STAT6: variants seen among roughly 807,000 people sequenced by gnomAD.
STAT6 encodes STAT, interleukin4-induced.
Under a neutral mutation model 106.3 loss-of-function variants are expected in STAT6, and 45 were observed. The ratio of observed to expected loss-of-function variants is 0.42; its 90% CI spans 0.33 to 0.54. STAT6 has a LOEUF of 0.54. Ranked by LOEUF, STAT6 falls within the 20% of genes least tolerant of loss-of-function variation. The pLI, the probability that STAT6 is intolerant of heterozygous loss-of-function variation, is 0.06. For synonymous variants in STAT6, 413 were observed against 413.6 expected (o/e 1.00, Z 0.02); for missense variants, 797 against 1,062.2 (o/e 0.75, Z 3.47).
chr12:57,098,159 T>C (rs1253102474), intron 19 of STAT6, among the ~76,000 whole-genome samples: 1 of 152,230 alleles, frequency 6.6e-6, no homozygotes, highest in Admixed American at 6.5e-5. Flanking sequence ...TACACAGCTT[T>C]TGCTATGAGC....
Position 57,099,297 on chromosome 12 carries a change from TG to T in STAT6, c.1887del (p.Tyr629Ter). ...AGAGCTGCCAGTTCCAGCTCACGCT[TG>T]TAGTGGCTCCGGAAAGCCTCATCCT... ...KPKDEAFRSH[Y>X]KPEQMGKDGR... On this transcript the variant is annotated frameshift_variant, in exon 16 of 22. Coordinates refer to ENST00000300134, the MANE Select transcript of STAT6 (RefSeq NM_003153.5). LOFTEE classifies it high-confidence loss of function. The surrounding 1 kb of genome is among the most constrained non-coding windows in gnomAD (Gnocchi z 4.7). 6.2e-7 allele frequency: 1 copy of T among 1,614,072 alleles called. No homozygotes were observed. The highest frequency in any genetic ancestry group is 8.5e-7 in the Non-Finnish European group (1 of 1,180,000).
rs2034207250 is a variant in STAT6, at chr12:57,105,425, C to T, written c.812+43G>A. On this transcript the variant is annotated intron_variant, in intron 8 of 21. Coordinates refer to ENST00000300134, the MANE Select transcript of STAT6 (RefSeq NM_003153.5). ...CAGCTCTAGCCCCCTTCTTTTCTTCCCGAGGTCTGTTCTAGGCCAGACTGG... is the reference window on the plus strand; with the variant it reads ...CAGCTCTAGCCCCCTTCTTTTCTTCTCGAGGTCTGTTCTAGGCCAGACTGG... The T allele has an allele frequency of 3.1e-6, 5 of 1,610,056 alleles. No homozygotes were observed. The South Asian group carries it at 5.5e-5, about 18-fold the overall frequency.
Position 57,099,892 on chromosome 12 carries a change from C to T in STAT6, c.1619G>A (p.Gly540Asp). The change falls in exon 15 of 22, where the codon GGC becomes GAC. Residue 540 changes from glycine (G) to aspartate (D), a missense_variant. Around this residue, in one of 4 missense-constraint regions of STAT6, gnomAD observed 222 missense variants for 354.6 expected, o/e 0.63. Coordinates refer to ENST00000300134, the MANE Select transcript of STAT6 (RefSeq NM_003153.5). The surrounding 1 kb of genome is among the most constrained non-coding windows in gnomAD (Gnocchi z 4.7). ...RSYWSDRLII[G>D]FISKQYVTSL... ...AGTAACGTACTGTTTGCTGATGAAG[C>T]CAATGATCAGCCTGGCCGGGATGAA... is the stretch of plus-strand genomic sequence containing the variant. 1 of 1,614,212 alleles carries T rather than the reference C, an allele frequency of 6.2e-7. No homozygotes were observed. Among genetic ancestry groups the T allele is most frequent in the East Asian group, 2.2e-5 (1 of 44,884 alleles).
In STAT6 at chr12:57,096,769, G is replaced by C; in HGVS notation, c.2355-8C>G. 6.2e-7 allele frequency: 1 copy of C among 1,613,452 alleles called. No homozygotes were observed. The highest frequency in any genetic ancestry group is 8.5e-7 in the Non-Finnish European group (1 of 1,179,714). On this transcript the variant is annotated splice_region_variant and splice_polypyrimidine_tract_variant and intron_variant, in intron 21 of 21. Coordinates refer to ENST00000300134, the MANE Select transcript of STAT6 (RefSeq NM_003153.5). ...AATATGTCTTCACCAATCCTGCAAG[G>C]AGATGGGAGAAGCAGTGGAGTAGGC...
intron 19 of STAT6, among the ~76,000 whole-genome samples, chr12:57,097,963 T>C (rs1318643490): frequency 1.3e-5 from 2 of 152,204 alleles, no homozygotes; most frequent in South Asian, 2.1e-4. Context: ...TATTTCCTTA[T>C]ACTATTCAGA....
rs3024950 is a variant in STAT6 at position 57,108,347 on chromosome 12, G to A, written c.-21-48C>T. On this transcript the variant is annotated intron_variant, in intron 1 of 21. Transcript: ENST00000300134. The stretch of plus-strand genomic sequence containing the variant: ...CTCTGAGGGGTGCCCAAGAAACTTG[G>A]CCTATCTCCTGGGGCAGCCAGGGAC... 9,313 of 1,047,486 alleles carry A rather than the reference G, an allele frequency of 8.9e-3. 329 individuals carry two copies. The highest frequency in any genetic ancestry group is 0.088 in the African/African-American group (5,583 of 63,392). The allele number at this position is 1,047,486 out of a possible 1,614,324, so 64.9% of individuals were successfully genotyped here. A position where few individuals can be genotyped will look rare whatever the true frequency, so the allele number is the denominator to read the frequency against.
Position 57,098,570 on chromosome 12 carries a change from G to A in STAT6, c.2094C>T (p.His698=). 6.2e-7 allele frequency: 1 copy of A among 1,614,148 alleles called. No individual in the cohort carries two copies. The highest frequency in any genetic ancestry group is 8.5e-7 in the Non-Finnish European group (1 of 1,180,028). The part of the protein sequence containing the change: ...MVPQVYPPHS[H]SIPPYQGLSP... ...AGAGGCCTTGATACGGGGGGATGGA[G>A]TGAGAGTGTGGTGGGTACACCTGGG... is the stretch of plus-strand genomic sequence containing the variant. Residue 698 remains histidine, a synonymous_variant, in exon 19 of 22, where the codon CAC becomes CAT. Transcript: ENST00000300134.
intron 13 of STAT6, chr12:57,100,762 C>T (rs981608214): frequency 1.1e-5 from 3 of 264,534 alleles, no homozygotes; most frequent in Non-Finnish European, 2.3e-5. Flanking sequence ...AAAAAAAAAC[C>T]AAAACATAAA....
rs371952236 is a variant in STAT6 at position 57,096,692 on chromosome 12, C to T, written c.2424G>A (p.Glu808=). The change falls in exon 22 of 22, where the codon GAG becomes GAA. Residue 808 remains glutamate (E), a synonymous_variant. Coordinates refer to ENST00000300134, the MANE Select transcript of STAT6 (RefSeq NM_003153.5). ...ACCCTCCCCCCGACTCCCCTTGCCC[C>T]TCCAGGAGAAGCTTAGTGAGGTCCT... ...TEQDLTKLLL[E]GQGESGGGSL... 6 of 1,609,556 alleles carry T rather than the reference C, an allele frequency of 3.7e-6. No individual in the cohort carries two copies. The highest frequency in any genetic ancestry group is 2.2e-5 in the East Asian group (1 of 44,848).
At chr12:57,100,556 A>C (rs1162678118) in intron 13 of STAT6, among the ~76,000 whole-genome samples, 1 of 151,608 alleles carries the variant, frequency 6.6e-6, no homozygotes, top group South Asian at 2.1e-4. Context: ...TAGCTAACAC[A>C]CCCTCTGGTC....
intron 19 of STAT6, among the ~76,000 whole-genome samples, chr12:57,098,088 A>G (rs1043048258): frequency 6.6e-6 from 1 of 152,204 alleles, no homozygotes; most frequent in African/African-American, 2.4e-5. Context: ...TGGTATTCGC[A>G]TAATTATGAA....
rs779913165 is a variant in STAT6, at chr12:57,098,820, T to C, written c.2038A>G (p.Met680Val). 5.6e-6 allele frequency: 9 copies of C among 1,613,632 alleles called. No individual in the cohort carries two copies. Among genetic ancestry groups the C allele is most frequent in the East Asian group, 4.5e-5 (2 of 44,886 alleles). Residue 680 changes from methionine to valine, a missense_variant, in exon 18 of 22, where the codon ATG (methionine) becomes GTG (valine). Coordinates refer to ENST00000300134, the MANE Select transcript of STAT6 (RefSeq NM_003153.5). ...ATATCTGGGCCAAGCTGCATGCTCATGGAGGAATCAGGGGCCATTCCAAGG... is the reference window on the plus strand; with the variant it reads ...ATATCTGGGCCAAGCTGCATGCTCACGGAGGAATCAGGGGCCATTCCAAGG... The part of the protein sequence containing the change: ...YDLGMAPDSS[M>V]SMQLGPDMVP...
chr12:57,104,742 G>A lies in STAT6; in HGVS notation c.1073C>T (p.Ala358Val), dbSNP rs2034166966. ...GCCCCTCACCAGGTTCTTGAACAGG[G>A]CAGAGCAGCAGTTCCCAGGAATGCT... The part of the protein sequence containing the change: ...ENSIPGNCCS[A>V]LFKNLLLKKI... Residue 358 changes from alanine to valine, a missense_variant, in exon 10 of 22, where the codon GCC becomes GTC. By Grantham distance (64) the Ala-to-Val change is moderately conservative. This residue lies in a region of STAT6 where 13 missense variants were observed against 41.1 expected (regional missense o/e 0.32). Coordinates refer to ENST00000300134, the MANE Select transcript of STAT6 (RefSeq NM_003153.5). 3.7e-6 allele frequency: 6 copies of A among 1,613,996 alleles called. No individual in the cohort carries two copies. Among genetic ancestry groups the A allele is most frequent in the Admixed American group, 1.7e-5 (1 of 59,994 alleles).
chr12:57,101,791 T>C (rs2033951587), intron 13 of STAT6, among the ~76,000 whole-genome samples: 1 of 150,704 alleles, frequency 6.6e-6, no homozygotes, highest in Admixed American at 6.6e-5. Flanking sequence ...CAGCCTCCCA[T>C]GTAGCTGGGA....
chr12:57,106,505 C>A, intron 6 of STAT6, 23 bp downstream of exon 6: 3 of 1,613,680 alleles, frequency 1.9e-6, no homozygotes, highest in Middle Eastern at 1.7e-4. Context: ...ACCAAGGTCT[C>A]CACCTGTCAG....
rs1415478858 is a variant in STAT6 at position 57,096,287 on chromosome 12, G to C, written c.*285C>G. The C allele has an allele frequency of 2.4e-6, 1 of 424,986 alleles. No individual in the cohort carries two copies. Among genetic ancestry groups the C allele is most frequent in the African/African-American group, 2.1e-5 (1 of 48,750 alleles). 26.3% of individuals were successfully genotyped at this position (424,986 alleles called of 1,614,324 possible). ...GCTCTGTATGTGTGTGTGCGTGCGT[G>C]TGCGCGCTGCAGGTGCAGGCATGTT... On this transcript the variant is annotated 3_prime_UTR_variant, in exon 22 of 22. Transcript: ENST00000300134.
rs1592560210 is a variant in STAT6, at chr12:57,102,761, G to A, written c.1305+68C>T. 9.9e-6 allele frequency: 13 copies of A among 1,307,104 alleles called. No individual in the cohort carries two copies. The East Asian group carries it at 2.3e-4, about 23-fold the overall frequency. 81.0% of individuals were successfully genotyped at this position (1,307,104 alleles called of 1,614,324 possible). A position where few individuals can be genotyped will look rare whatever the true frequency, so the allele number is the denominator to read the frequency against. On this transcript the variant is annotated intron_variant, in intron 12 of 21. Transcript: ENST00000300134. ...AACATGCCCACCACCCCATCAGCAG[G>A]CCTGCACCACTGCCCATGTTAGAAC...
In STAT6 at chr12:57,096,870, T is replaced by G. The variant is rs761639300; in HGVS notation, c.2334A>C (p.Thr778=). Residue 778 remains threonine, a synonymous_variant, in exon 21 of 22, where the codon ACA becomes ACC. Coordinates refer to ENST00000300134, the MANE Select transcript of STAT6 (RefSeq NM_003153.5). ...VEDSCLSQPV[T]AFPQGTWIGE... The stretch of plus-strand genomic sequence containing the variant: ...CTCACCAAGTGCCCTGAGGAAACGC[T>G]GTCACTGGCTGGCTCAGGCAGCTGT... The G allele has an allele frequency of 6.2e-7, 1 of 1,614,176 alleles. No individual in the cohort carries two copies. The highest frequency in any genetic ancestry group is 1.1e-5 in the South Asian group (1 of 91,088).
intron 1 of STAT6, chr12:57,110,116 C>T (rs1463831025): frequency 2.6e-5 from 4 of 152,240 alleles, no homozygotes. Context: ...TTTCTCTAGC[C>T]CAAGAGAGAA....
Sources: gnomAD v4.1 joint callset for allele counts (sites outside exome capture counted in the v4.1 genomes callset) on GRCh38, gnomAD v4.1.1 for gene constraint, gnomAD v4.1.1 regional missense constraint, Gnocchi (gnomAD v3.1) non-coding constraint, MANE v1.5 for transcripts, NCBI Gene and HGNC (gene_info 2026-07-23, HGNC 2026-07-21) for gene names.